TRMT11: variants seen among roughly 807,000 people sequenced by gnomAD.
The protein encoded by TRMT11 is tRNA (guanine(10)-N(2))-methyltransferase TRMT11.
A neutral mutation model predicts 62.8 loss-of-function variants in TRMT11; 53 were observed. The ratio of observed to expected loss-of-function variants is 0.84; its 90% confidence interval spans 0.68 to 1.06. The LOEUF (loss-of-function observed/expected upper bound fraction) is 1.06. Ranked by LOEUF, TRMT11 falls within the 50% of genes least tolerant of loss-of-function variation. The pLI is 0.00. For synonymous variants in TRMT11, 188 were observed against 190.3 expected, an observed-to-expected ratio of 0.99 and a Z score of 0.10; for missense variants, 556 against 553.4, an observed-to-expected ratio of 1.00 and a Z score of -0.05.
intron 21 of TRMT11, among the ~76,000 whole-genome samples, chr6:126,116,141 C>A (rs942681969): frequency 3.3e-5 from 5 of 151,086 alleles, no homozygotes; most frequent in Non-Finnish European, 5.9e-5. Flanking sequence ...TCTCATTTAA[C>A]AACCAGTGCT....
At chr6:126,257,850 G>A in the TRMT11 span, 4 of 1,131,284 alleles carry the variant, frequency 3.5e-6, no homozygotes, top group Non-Finnish European at 4.0e-6. Flanking sequence ...GGGTCCGCTG[G>A]TATTGCTCTT....
chr6:126,094,217 G>A (rs1777315131), intron 17 of TRMT11, among the ~76,000 whole-genome samples: 1 of 152,088 alleles, frequency 6.6e-6, no homozygotes, highest in Admixed American at 6.5e-5. Flanking sequence ...AATTTTGTGT[G>A]CTTTCCACAG....
chr6:126,063,037 AAAT>A (rs1480128582), intron 17 of TRMT11, among the ~76,000 whole-genome samples: 4 of 152,328 alleles, frequency 2.6e-5, no homozygotes, highest in South Asian at 4.1e-4. Context: ...CATAATAGAT[AAAT>A]AATAAAGGGT....
chr6:126,205,694 A>G (rs112779661), downstream of TRMT11, among the ~76,000 whole-genome samples: 4,761 of 152,166 alleles, frequency 0.031, 214 homozygotes, highest in African/African-American at 0.11. Context: ...GTAACAAAGT[A>G]TTAATTGAAG....
chr6:126,027,910 A>G (rs1773494174), intron 12 of TRMT11, among the ~76,000 whole-genome samples: 2 of 152,204 alleles, frequency 1.3e-5, no homozygotes, highest in South Asian at 4.1e-4. Context: ...GATAATAGAC[A>G]CTGAGGTCAC....
intron 17 of TRMT11, among the ~76,000 whole-genome samples, chr6:126,090,353 G>C (rs908967609): frequency 1.3e-5 from 2 of 152,160 alleles, no homozygotes; most frequent in Non-Finnish European, 2.9e-5. Flanking sequence ...GTATGACTTA[G>C]ACAAATTGCA....
intron 21 of TRMT11, among the ~76,000 whole-genome samples, chr6:126,153,690 A>G (rs962197257): frequency 9.9e-5 from 15 of 152,228 alleles, no homozygotes; most frequent in Admixed American, 8.5e-4. Context: ...GTTAAACCAA[A>G]TCTGCACATA....
chr6:126,080,836 T>C (rs1013437882), intron 17 of TRMT11, among the ~76,000 whole-genome samples: 80 of 152,142 alleles, frequency 5.3e-4, no homozygotes, highest in African/African-American at 1.8e-3. Flanking sequence ...TTGCCCCAGT[T>C]CCTGAATGTA....
At chr6:126,244,292 C>T in the TRMT11 span, among the ~76,000 whole-genome samples, 1 of 151,910 alleles carries the variant, frequency 6.6e-6, no homozygotes, top group Admixed American at 6.6e-5. Flanking sequence ...AGATAGATTG[C>T]TGGCATGGTT....
At chr6:126,118,571 A>T (rs1358317342) in intron 21 of TRMT11, among the ~76,000 whole-genome samples, 1 of 152,132 alleles carries the variant, frequency 6.6e-6, no homozygotes, top group Non-Finnish European at 1.5e-5. Flanking sequence ...ATGAGCATTG[A>T]TTCCTAGGGA....
chr6:126,164,583 T>C (rs1417208709), intron 21 of TRMT11, among the ~76,000 whole-genome samples: 1 of 152,224 alleles, frequency 6.6e-6, no homozygotes, highest in African/African-American at 2.4e-5. Flanking sequence ...AGTGTTAAAT[T>C]CTCCCACTAT....
At chr6:126,151,938 T>TCTTTCTTTCTTTCTTTC (rs1328332924) in intron 21 of TRMT11, among the ~76,000 whole-genome samples, 1 of 107,782 alleles carries the variant, frequency 9.3e-6, no homozygotes, top group Non-Finnish European at 1.9e-5. Context: ...TTTCTTTCTT[T>TCTTTCTTTCTTTCTTTC]CTTTCTTTTC....
At chr6:126,184,468 C>T (rs1185269012) in intron 1 of TRMT11, among the ~76,000 whole-genome samples, 2 of 152,174 alleles carry the variant, frequency 1.3e-5, no homozygotes, top group Non-Finnish European at 1.5e-5. Flanking sequence ...AGAAACATTA[C>T]ATATAATACT....
chr6:126,093,954 C>T (rs1777311783), intron 17 of TRMT11, among the ~76,000 whole-genome samples: 1 of 152,050 alleles, frequency 6.6e-6, no homozygotes, highest in African/African-American at 2.4e-5. Context: ...AGCTTTTCCA[C>T]AGTATAATGT....
the TRMT11 span, among the ~76,000 whole-genome samples, chr6:126,217,259 G>T: frequency 1.4e-4 from 22 of 152,270 alleles, no homozygotes; most frequent in African/African-American, 4.8e-4. Flanking sequence ...GGTTGGTGAG[G>T]TCATGTTTTT....
At chr6:126,003,730 C>T (rs1792901774) in intron 7 of TRMT11, among the ~76,000 whole-genome samples, 1 of 151,918 alleles carries the variant, frequency 6.6e-6, no homozygotes, top group South Asian at 2.1e-4. Flanking sequence ...TTTTTGGTCT[C>T]TTTCCCTGAT....
chr6:126,092,666 C>T (rs1466242870), intron 17 of TRMT11, among the ~76,000 whole-genome samples: 1 of 152,048 alleles, frequency 6.6e-6, no homozygotes, highest in Non-Finnish European at 1.5e-5. Flanking sequence ...TTTTGTTCTT[C>T]TTGGTGATTG....
At chr6:126,144,752 T>C (rs1777955907) in intron 21 of TRMT11, among the ~76,000 whole-genome samples, 1 of 152,210 alleles carries the variant, frequency 6.6e-6, no homozygotes, top group Admixed American at 6.5e-5. Context: ...TTTAATTCTC[T>C]CTTGTTTATT....
chr6:126,012,669 G>T (rs1007445199), intron 9 of TRMT11, 102 bp from the exon 10 acceptor site: 1 of 761,364 alleles, frequency 1.3e-6, no homozygotes, highest in Non-Finnish European at 2.2e-6. Context: ...GTGATGTTGT[G>T]TTCTTCTCAG....
Sources: gnomAD v4.1 joint callset for allele counts (sites outside exome capture counted in the v4.1 genomes callset) on GRCh38, gnomAD v4.1.1 for gene constraint, MANE v1.5 for transcripts, NCBI Gene and HGNC (gene_info 2026-07-23, HGNC 2026-07-21) for gene names.